RAD17: variants seen among roughly 807,000 people sequenced by gnomAD.
RAD17 encodes RAD17 checkpoint clamp loader component.
RAD17 carries 31 observed loss-of-function variants against 81.5 expected under a neutral mutation model. That is an observed-to-expected ratio of 0.38 (90% confidence interval 0.29 to 0.51). The LOEUF is 0.51. Ranked by LOEUF, RAD17 falls within the 20% of genes least tolerant of loss-of-function variation. The pLI, the probability that RAD17 is intolerant of heterozygous loss-of-function variation, is 0.88. For missense variants in RAD17, 681 were observed against 781.2 expected, an observed-to-expected ratio of 0.87 and a Z score of 1.53; for synonymous variants, 261 against 266.2, an observed-to-expected ratio of 0.98 and a Z score of 0.19.
At chr5:69,410,395 T>C (rs1264164207) in intron 17 of RAD17, 98 bp from the exon 18 acceptor site, 1 of 895,220 alleles carries the variant, frequency 1.1e-6, no homozygotes, top group Non-Finnish European at 1.8e-6. Context: ...TGCATTTCTC[T>C]AAAGATTAGT....
intron 16 of RAD17, among the ~76,000 whole-genome samples, chr5:69,399,776 T>G (rs1477701501): frequency 2.6e-5 from 4 of 152,212 alleles, no homozygotes; most frequent in Non-Finnish European, 4.4e-5. Context: ...CCTTTGAGTT[T>G]TAAATTTGGT....
At chr5:69,391,137 G>T (rs1455163829) in intron 12 of RAD17, among the ~76,000 whole-genome samples, 1 of 151,232 alleles carries the variant, frequency 6.6e-6, no homozygotes, top group Admixed American at 6.6e-5. Flanking sequence ...GGCTGAGGCA[G>T]GAGAATCGCT....
At chr5:69,378,736 C>T (rs1356795611) in intron 6 of RAD17, among the ~76,000 whole-genome samples, 1 of 152,146 alleles carries the variant, frequency 6.6e-6, no homozygotes, top group Admixed American at 6.5e-5. Flanking sequence ...GATGGGGATA[C>T]ATTCTGGGAA....
chr5:69,397,900 G>A (rs181163980), intron 16 of RAD17, among the ~76,000 whole-genome samples: 2 of 152,076 alleles, frequency 1.3e-5, no homozygotes, highest in African/African-American at 2.4e-5. Flanking sequence ...GGCAGATCAC[G>A]AGGTCAGGAG....
At chr5:69,385,783 CAAAAG>C (rs777562691) in intron 8 of RAD17, among the ~76,000 whole-genome samples, 1 of 151,972 alleles carries the variant, frequency 6.6e-6, no homozygotes, top group Admixed American at 6.6e-5. Context: ...TATAGAAAAA[CAAAAG>C]AAAAGTTTGG....
upstream of RAD17, chr5:69,369,394 C>A (rs1044687847): frequency 1.2e-5 from 19 of 1,565,232 alleles, no homozygotes; most frequent in Admixed American, 7.2e-5. Context: ...CACCTGGGCG[C>A]CCGATGCCCA....
rs3765038 is a variant in RAD17, at chr5:69,386,200, G to A, written c.719G>A (p.Arg240Gln). ...TTTAGGAAGTATGTGAGGATTGGTC[G>A]ATGTCCTCTTATATTTATAATCTCG... ...EVLRKYVRIGRCPLIFIISDS... is the reference protein window; with the variant it reads ...EVLRKYVRIGQCPLIFIISDS... Residue 240 changes from arginine to glutamine, a missense_variant, in exon 10 of 19, where the codon CGA becomes CAA. Transcript: ENST00000354868. 2.1e-4 allele frequency: 332 copies of A among 1,605,864 alleles called. 1 individual carries two copies. In the East Asian group the frequency reaches 5.1e-3, roughly 25 times the overall value.
intron 7 of RAD17, among the ~76,000 whole-genome samples, chr5:69,383,136 T>C (rs936510965): frequency 1.1e-4 from 16 of 152,206 alleles, no homozygotes; most frequent in African/African-American, 3.9e-4. Flanking sequence ...TATGCTTATG[T>C]ACCTTAGCAC....
chr5:69,405,110 A>C (rs1765508920), intron 17 of RAD17, among the ~76,000 whole-genome samples: 1 of 152,234 alleles, frequency 6.6e-6, no homozygotes, highest in South Asian at 2.1e-4. Context: ...GATAAATGAT[A>C]ACAAACGTTG....
At chr5:69,387,702 C>G (rs1764300970) in intron 11 of RAD17, among the ~76,000 whole-genome samples, 1 of 152,032 alleles carries the variant, frequency 6.6e-6, no homozygotes, top group African/African-American at 2.4e-5. Context: ...AATAAAAATA[C>G]AAAAATTAGC....
chr5:69,369,472 G>C (rs759423974), upstream of RAD17: 2 of 1,611,308 alleles, frequency 1.2e-6, no homozygotes, highest in East Asian at 2.2e-5. Context: ...CCGGTGAGCA[G>C]GATGTTCGGA....
At chr5:69,370,521 A>G (rs941149254) in intron 1 of RAD17, among the ~76,000 whole-genome samples, 1 of 151,940 alleles carries the variant, frequency 6.6e-6, no homozygotes, top group South Asian at 2.1e-4. Context: ...TGCATTTTTA[A>G]TAGAGACGGG....
chr5:69,369,447 G>C, upstream of RAD17: 8 of 1,609,948 alleles, frequency 5.0e-6, no homozygotes, highest in Non-Finnish European at 6.8e-6. Context: ...AGTCCCTCCC[G>C]GCCGCGCGCC....
At position 69,382,035 on chromosome 5, in the gene RAD17, T is replaced by C; in HGVS notation, c.486T>C (p.Asp162=). Residue 162 remains aspartate, a synonymous_variant, in exon 7 of 19, where the codon GAT becomes GAC. Coordinates refer to ENST00000354868, the MANE Select transcript of RAD17 (RefSeq NM_133338.3). ...NPVLPDFQKD[D]FKGMFNTESS... is the part of the protein sequence containing the mutation. ...TTTTACCAGACTTCCAAAAAGATGA[T>C]TTCAAGGGGATGTTTAATACTGGTA... is the stretch of plus-strand genomic sequence containing the variant. The C allele has an allele frequency of 6.2e-7, 1 of 1,612,716 alleles. No homozygotes were observed. The highest frequency in any genetic ancestry group is 8.5e-7 in the Non-Finnish European group (1 of 1,179,018).
chr5:69,397,781 A>T (rs1232142431), intron 16 of RAD17, among the ~76,000 whole-genome samples: 2 of 152,054 alleles, frequency 1.3e-5, no homozygotes, highest in African/African-American at 4.8e-5. Context: ...TTCAAGAGAT[A>T]TGTTGTATAA....
rs548970193 is a variant in RAD17, at chr5:69,404,641, CG to C, written c.1693+4473del. ...AAAATTAGCTGGGTGCAGTGGTGGG[CG>C]CCTGTAATCCCAGCTACTCGGGAGG... is the stretch of plus-strand genomic sequence containing the variant. On this transcript the variant is annotated intron_variant, in intron 17 of 18. Coordinates refer to ENST00000354868, the MANE Select transcript of RAD17 (RefSeq NM_133338.3). Among the ~76,000 whole-genome samples, 9 of 151,730 alleles carry C rather than the reference CG, an allele frequency of 5.9e-5. No individual in the cohort carries two copies. In the East Asian group the frequency reaches 1.8e-3, roughly 30 times the overall value.
chr5:69,380,047 G>A lies in RAD17; in HGVS notation c.352-1854G>A, dbSNP rs1182179964. 2.6e-5 allele frequency among the ~76,000 whole-genome samples: 4 copies of A among 151,826 alleles called. No homozygotes were observed. In the East Asian group the frequency reaches 5.8e-4, roughly 22 times the overall value. ...AGGAGTGCACCACCACGCCCGGGTA[G>A]TTCTTGTATTTTTAGTAGAGATGGG... is the stretch of plus-strand genomic sequence containing the variant. On this transcript the variant is annotated intron_variant, in intron 6 of 18. Transcript: ENST00000354868.
intron 17 of RAD17, among the ~76,000 whole-genome samples, chr5:69,409,741 G>GAGTATTAAGTAT (rs1765849540): frequency 6.6e-6 from 1 of 152,138 alleles, no homozygotes; most frequent in Non-Finnish European, 1.5e-5. Context: ...CAGTGCAGTA[G>GAGTATTAAGTAT]TGTTAAGTAT....
At chr5:69,385,486 G>T (rs997950846) in intron 8 of RAD17, among the ~76,000 whole-genome samples, 6 of 151,596 alleles carry the variant, frequency 4.0e-5, no homozygotes, top group African/African-American at 1.5e-4. Flanking sequence ...GGCCAGGCTG[G>T]TCTCAAACTC....
Sources: allele counts gnomAD v4.1 joint callset (sites outside exome capture counted in the v4.1 genomes callset), GRCh38; gene constraint gnomAD v4.1.1; transcripts MANE v1.5; gene names NCBI Gene and HGNC (gene_info 2026-07-23, HGNC 2026-07-21).